RALYL: variants seen among roughly 807,000 people sequenced by gnomAD.
RALYL encodes the protein RNA-binding Raly-like protein.
Under a neutral mutation model 35.1 loss-of-function variants are expected in RALYL, and 29 were observed. The observed-to-expected ratio is 0.83, with a 90% CI of 0.61 to 1.13. The LOEUF (loss-of-function observed/expected upper bound fraction) is 1.13. RALYL is among the 50% of genes most tolerant of loss of function. RALYL has a pLI of 0.00. For missense variants in RALYL, 359 were observed against 360.4 expected (o/e 1.00, Z 0.03); for synonymous variants, 120 against 127.6 (o/e 0.94, Z 0.40).
intron 4 of RALYL, among the ~76,000 whole-genome samples, chr8:84,809,303 A>T (rs1825373563): frequency 6.6e-6 from 1 of 152,148 alleles, no homozygotes; most frequent in African/African-American, 2.4e-5. Flanking sequence ...TGCATATGTT[A>T]AACCATCCCT....
At chr8:84,240,247 T>G (rs1048227244) in intron 1 of RALYL, among the ~76,000 whole-genome samples, 4 of 152,208 alleles carry the variant, frequency 2.6e-5, no homozygotes, top group African/African-American at 9.7e-5. Context: ...TTGATGTTAT[T>G]GTTTTTTAAA....
intron 1 of RALYL, among the ~76,000 whole-genome samples, chr8:84,285,497 T>C (rs1358135021): frequency 6.6e-6 from 1 of 151,986 alleles, no homozygotes; most frequent in Non-Finnish European, 1.5e-5. Context: ...TTATATAGTG[T>C]GATGGATGGT....
At chr8:84,605,892 C>T (rs1053624130) in intron 2 of RALYL, among the ~76,000 whole-genome samples, 3 of 152,184 alleles carry the variant, frequency 2.0e-5, no homozygotes, top group South Asian at 4.2e-4. Context: ...CATTGAAATG[C>T]CCCTGCTTCC....
intron 8 of RALYL, among the ~76,000 whole-genome samples, chr8:84,920,655 GC>G (rs1849172948): frequency 6.6e-6 from 1 of 151,438 alleles, no homozygotes; most frequent in Non-Finnish European, 1.5e-5. Context: ...CTGACCTCAG[GC>G]AATAAATTAG....
At chr8:84,572,074 G>T (rs1302607728) in intron 2 of RALYL, among the ~76,000 whole-genome samples, 1 of 151,730 alleles carries the variant, frequency 6.6e-6, no homozygotes, top group Non-Finnish European at 1.5e-5. Flanking sequence ...TTCTGCCTTT[G>T]TTGGGCAGAA....
At chr8:84,495,007 C>G (rs2055842442) in intron 1 of RALYL, among the ~76,000 whole-genome samples, 1 of 151,978 alleles carries the variant, frequency 6.6e-6, no homozygotes, top group Non-Finnish European at 1.5e-5. Context: ...CAGCTTTTGC[C>G]CATTCAGTAT....
chr8:84,730,314 G>T (rs573255282), intron 2 of RALYL, among the ~76,000 whole-genome samples: 1 of 152,050 alleles, frequency 6.6e-6, no homozygotes, highest in East Asian at 1.9e-4. Context: ...TGCAGAAAAG[G>T]CCTTTGACAA....
At chr8:84,734,205 C>G (rs1332459549) in intron 2 of RALYL, among the ~76,000 whole-genome samples, 1 of 152,092 alleles carries the variant, frequency 6.6e-6, no homozygotes, top group African/African-American at 2.4e-5. Context: ...TTTTCTATTC[C>G]TGTTGTGCAT....
intron 1 of RALYL, among the ~76,000 whole-genome samples, chr8:84,405,920 C>T (rs1586906528): frequency 6.8e-6 from 1 of 147,250 alleles, no homozygotes. Flanking sequence ...CCCGGGTTCA[C>T]GCCATTCGCC....
chr8:84,741,958 G>T (rs1197833661), intron 2 of RALYL, among the ~76,000 whole-genome samples: 7 of 150,818 alleles, frequency 4.6e-5, no homozygotes, highest in Non-Finnish European at 1.0e-4. Flanking sequence ...TTTTATTTTG[G>T]TTCTCTTTCC....
At chr8:84,820,589 G>C (rs1371709102) in intron 4 of RALYL, among the ~76,000 whole-genome samples, 1 of 152,038 alleles carries the variant, frequency 6.6e-6, no homozygotes, top group East Asian at 1.9e-4. Flanking sequence ...TGAACATGCA[G>C]GTGTGTTGCA....
chr8:84,416,404 C>T (rs1586982703), intron 1 of RALYL, among the ~76,000 whole-genome samples: 1 of 152,080 alleles, frequency 6.6e-6, no homozygotes, highest in East Asian at 1.9e-4. Flanking sequence ...GCAGGTAAGG[C>T]TCTCCTGAGA....
intron 1 of RALYL, among the ~76,000 whole-genome samples, chr8:84,378,914 C>G (rs1052714037): frequency 6.6e-6 from 1 of 151,830 alleles, no homozygotes; most frequent in African/African-American, 2.4e-5. Flanking sequence ...TGTTCTAGTT[C>G]CGTATTTCTA....
rs5892914 is a variant in RALYL, at chr8:84,371,539, T to TCACACACACACACACA, written c.-23-157741_-23-157726dup. Among the ~76,000 whole-genome samples, 363 of 144,148 alleles carry TCACACACACACACACA rather than the reference T, an allele frequency of 2.5e-3. 2 individuals are homozygous for TCACACACACACACACA. Among genetic ancestry groups the TCACACACACACACACA allele is most frequent in the African/African-American group, 8.0e-3 (313 of 38,890 alleles). The allele number at this position is 144,148 out of a possible 152,430, so 94.6% of individuals were successfully genotyped here. A position where few individuals can be genotyped will look rare whatever the true frequency, so the allele number is the denominator to read the frequency against. On this transcript the variant is annotated intron_variant, in intron 1 of 8. Coordinates refer to ENST00000521268, the MANE Select transcript of RALYL (RefSeq NM_173848.7). ...AAAATAGGGAATAAATTTATGATTA[T>TCACACACACACACACA]CACACACACACACACACACACACAC...
At chr8:84,218,517 A>AT (rs1192365958) in intron 1 of RALYL, among the ~76,000 whole-genome samples, 5 of 151,998 alleles carry the variant, frequency 3.3e-5, no homozygotes, top group Non-Finnish European at 5.9e-5. Flanking sequence ...AAATAGGGTA[A>AT]TTTTTTTCAC....
chr8:84,913,022 GGATGGATGGA>G (rs1563856079), intron 8 of RALYL, among the ~76,000 whole-genome samples: 3 of 114,564 alleles, frequency 2.6e-5, no homozygotes, highest in Non-Finnish European at 3.7e-5. Context: ...ATGGATGGAT[GGATGGATGGA>G]TAGGTAGGTA....
At chr8:84,693,479 T>C (rs1838495219) in intron 2 of RALYL, among the ~76,000 whole-genome samples, 1 of 151,938 alleles carries the variant, frequency 6.6e-6, no homozygotes, top group Non-Finnish European at 1.5e-5. Flanking sequence ...TACCTTCCAC[T>C]GGGTCCCTCC....
At chr8:84,910,748 A>G (rs894782096) in intron 8 of RALYL, among the ~76,000 whole-genome samples, 6 of 151,942 alleles carry the variant, frequency 3.9e-5, no homozygotes, top group Admixed American at 3.3e-4. Flanking sequence ...CCTGTAAAAT[A>G]TAAAATATCA....
At chr8:84,671,868 C>T (rs1281399396) in intron 2 of RALYL, among the ~76,000 whole-genome samples, 3 of 152,202 alleles carry the variant, frequency 2.0e-5, no homozygotes, top group African/African-American at 7.2e-5. Context: ...ATTTACTCCT[C>T]ATTACTATGC....
Sources: gnomAD v4.1 joint callset for allele counts (sites outside exome capture counted in the v4.1 genomes callset) on GRCh38, gnomAD v4.1.1 for gene constraint, MANE v1.5 for transcripts, NCBI Gene and HGNC (gene_info 2026-07-23, HGNC 2026-07-21) for gene names.